The following UBE2E2 variants were observed in gnomAD, a reference collection of about 807,000 sequenced individuals.
UBE2E2 encodes ubiquitin-conjugating enzyme E2 E2.
In UBE2E2, 6 loss-of-function variants were observed where a neutral mutation model predicts 24.7. The observed-to-expected ratio is 0.24, with a 90% CI of 0.13 to 0.48. The LOEUF is 0.48. Among genes scored for constraint, UBE2E2 ranks in the 20% least tolerant of loss-of-function variants. The probability of loss-of-function intolerance (pLI) is 0.99; values close to 1 mark genes in which losing one functional copy is unlikely to be tolerated. For missense variants in UBE2E2, 169 were observed against 245.0 expected, an observed-to-expected ratio of 0.69 and a Z score of 2.07; for synonymous variants, 104 against 83.6, an observed-to-expected ratio of 1.24 and a Z score of -1.33.
chr3:23,424,299 A>C (rs1397270618), intron 3 of UBE2E2, among the ~76,000 whole-genome samples: 1 of 152,214 alleles, frequency 6.6e-6, no homozygotes, highest in Non-Finnish European at 1.5e-5. Flanking sequence ...TACCATGTTA[A>C]GGTACAGATG....
chr3:23,249,029 G>A (rs1321000752), intron 3 of UBE2E2, among the ~76,000 whole-genome samples: 1 of 152,192 alleles, frequency 6.6e-6, no homozygotes, highest in African/African-American at 2.4e-5. Context: ...CTAGCACTTT[G>A]AGAGGCTGAC....
At chr3:23,389,464 G>A (rs934156739) in intron 3 of UBE2E2, among the ~76,000 whole-genome samples, 30 of 152,140 alleles carry the variant, frequency 2.0e-4, no homozygotes, top group African/African-American at 6.8e-4. Context: ...ACATCTCTCC[G>A]GGGAGGACAT....
chr3:23,442,828 G>A (rs1366656554), intron 3 of UBE2E2, among the ~76,000 whole-genome samples: 1 of 152,048 alleles, frequency 6.6e-6, no homozygotes, highest in African/African-American at 2.4e-5. Context: ...GCTCTGCCTG[G>A]GGTTTCCCCT....
At chr3:23,331,202 A>G (rs1695050020) in intron 3 of UBE2E2, among the ~76,000 whole-genome samples, 2 of 152,204 alleles carry the variant, frequency 1.3e-5, no homozygotes, top group Admixed American at 1.3e-4. Flanking sequence ...AATGTAGAAA[A>G]TGGAATATTG....
At chr3:23,235,295 G>A (rs189994382) in intron 3 of UBE2E2, among the ~76,000 whole-genome samples, 1 of 152,256 alleles carries the variant, frequency 6.6e-6, no homozygotes, top group East Asian at 1.9e-4. Context: ...TTTCTAAGGA[G>A]GTGAAATCTT....
intron 3 of UBE2E2, among the ~76,000 whole-genome samples, chr3:23,306,648 G>A (rs1372055235): frequency 1.3e-5 from 2 of 152,106 alleles, no homozygotes; most frequent in African/African-American, 4.8e-5. Flanking sequence ...GGCCACACAT[G>A]TACCCATTGT....
intron 3 of UBE2E2, among the ~76,000 whole-genome samples, chr3:23,265,814 A>G (rs975316375): frequency 2.0e-5 from 3 of 152,156 alleles, no homozygotes; most frequent in Non-Finnish European, 4.4e-5. Flanking sequence ...GACTTGCTTT[A>G]TGAATCTGGG....
chr3:23,283,338 C>G (rs140475596), intron 3 of UBE2E2, among the ~76,000 whole-genome samples: 1 of 152,100 alleles, frequency 6.6e-6, no homozygotes, highest in South Asian at 2.1e-4. Flanking sequence ...AAGCGTGAAC[C>G]CACTTACATA....
intron 5 of UBE2E2, among the ~76,000 whole-genome samples, chr3:23,584,556 C>CTTTT (rs71947394): frequency 6.9e-6 from 1 of 144,972 alleles, no homozygotes; most frequent in Non-Finnish European, 1.5e-5. Flanking sequence ...ATATGACAAT[C>CTTTT]TTTTTTTTTT....
intron 3 of UBE2E2, among the ~76,000 whole-genome samples, chr3:23,335,058 A>G (rs1695165874): frequency 1.3e-5 from 2 of 152,214 alleles, no homozygotes; most frequent in African/African-American, 4.8e-5. Flanking sequence ...CCATTCCTAA[A>G]TAAAATGATT....
chr3:23,368,543 TA>T (rs1358819404), intron 3 of UBE2E2, among the ~76,000 whole-genome samples: 3 of 152,210 alleles, frequency 2.0e-5, no homozygotes, highest in Non-Finnish European at 4.4e-5. Context: ...AAATTAATTA[TA>T]TTTTTGGTAC....
At chr3:23,433,743 G>C (rs1290686037) in intron 3 of UBE2E2, among the ~76,000 whole-genome samples, 3 of 151,832 alleles carry the variant, frequency 2.0e-5, no homozygotes, top group Admixed American at 2.0e-4. Flanking sequence ...TTAACAGAAT[G>C]AGAGTAAATG....
chr3:23,203,492 C>A (rs1029583798), intron 1 of UBE2E2, 28 bp downstream of exon 1: 1 of 977,096 alleles, frequency 1.0e-6, no homozygotes, highest in Non-Finnish European at 1.2e-6. Context: ...GCCGGTGCCT[C>A]CCCTCCTCGG....
chr3:23,456,521 G>T (rs1426680230), intron 3 of UBE2E2, among the ~76,000 whole-genome samples: 1 of 152,198 alleles, frequency 6.6e-6, no homozygotes, highest in Non-Finnish European at 1.5e-5. Context: ...CAGAATGGTT[G>T]TTGAGTTAGC....
chr3:23,449,891 A>G, intron 3 of UBE2E2: 2 of 985,458 alleles, frequency 2.0e-6, no homozygotes, highest in Non-Finnish European at 2.4e-6. Context: ...AGGTCCCACC[A>G]GTGCGGAGGC....
chr3:23,524,182 C>T (rs980885864), intron 4 of UBE2E2, among the ~76,000 whole-genome samples: 1 of 152,024 alleles, frequency 6.6e-6, no homozygotes, highest in African/African-American at 2.4e-5. Flanking sequence ...AAACATCTTT[C>T]TAAATTATGT....
intron 3 of UBE2E2, among the ~76,000 whole-genome samples, chr3:23,228,877 A>G (rs1401130116): frequency 6.6e-6 from 1 of 152,186 alleles, no homozygotes; most frequent in Non-Finnish European, 1.5e-5. Context: ...CTCTCCACAC[A>G]CTTTCGCCTA....
chr3:23,584,706 AC>A (rs1253927700), intron 5 of UBE2E2, among the ~76,000 whole-genome samples: 2 of 146,188 alleles, frequency 1.4e-5, no homozygotes, highest in Non-Finnish European at 3.0e-5. Context: ...GGTACATGCC[AC>A]CACACCCAGC....
intron 3 of UBE2E2, among the ~76,000 whole-genome samples, chr3:23,247,504 G>A (rs1248616148): frequency 5.9e-5 from 9 of 152,172 alleles, no homozygotes; most frequent in African/African-American, 2.2e-4. Flanking sequence ...ACAGGTGCCC[G>A]CCACCAAGCC....
Sources: allele counts gnomAD v4.1 joint callset (sites outside exome capture counted in the v4.1 genomes callset), GRCh38; gene constraint gnomAD v4.1.1; transcripts MANE v1.5; gene names NCBI Gene and HGNC (gene_info 2026-07-23, HGNC 2026-07-21).